The following RAD54B variants were observed in gnomAD, a reference collection of about 807,000 sequenced individuals.
The protein encoded by RAD54B is RAD54 homolog B, also known as DNA repair and recombination protein RAD54B.
A neutral mutation model predicts 95.8 loss-of-function variants in RAD54B; 78 were observed. The observed-to-expected ratio is 0.81, with a 90% confidence interval of 0.68 to 0.98. The LOEUF (loss-of-function observed/expected upper bound fraction) is 0.98, where lower values mean the gene tolerates loss of function less well. RAD54B is among the 50% of genes least tolerant of loss of function. The pLI is 0.00. For missense variants in RAD54B, 957 were observed against 1,056.6 expected, an observed-to-expected ratio of 0.91 and a Z score of 1.31; for synonymous variants, 328 against 354.9, an observed-to-expected ratio of 0.92 and a Z score of 0.85.
At chr8:94,430,674 G>A (rs1812069643) in intron 3 of RAD54B, 1 of 791,688 alleles carries the variant, frequency 1.3e-6, no homozygotes, top group Non-Finnish European at 1.5e-6. Context: ...CAATGGCTCA[G>A]TGAGGCCCAC....
chr8:94,462,792 A>T (rs189111606), intron 2 of RAD54B, among the ~76,000 whole-genome samples: 1 of 152,288 alleles, frequency 6.6e-6, no homozygotes, highest in East Asian at 1.9e-4. Context: ...TTAAAAAGTA[A>T]AATAACTATT....
chr8:94,375,310 C>A (rs1810541933), intron 14 of RAD54B, among the ~76,000 whole-genome samples: 1 of 152,174 alleles, frequency 6.6e-6, no homozygotes. Context: ...TTGCAGCTCC[C>A]ATATTTCCCA....
chr8:94,433,632 TTC>T (rs1267401918), intron 3 of RAD54B, among the ~76,000 whole-genome samples: 19 of 152,124 alleles, frequency 1.2e-4, no homozygotes, highest in Admixed American at 9.2e-4. Context: ...AACCTTAAAA[TTC>T]TGTTTTATAA....
intron 10 of RAD54B, among the ~76,000 whole-genome samples, chr8:94,389,385 A>C (rs1239649301): frequency 6.6e-6 from 1 of 152,210 alleles, no homozygotes; most frequent in African/African-American, 2.4e-5. Context: ...ATATGTGTTG[A>C]GGCCTGGACT....
chr8:94,378,879 A>C (rs1340320993), intron 12 of RAD54B, among the ~76,000 whole-genome samples: 1 of 152,220 alleles, frequency 6.6e-6, no homozygotes, highest in Non-Finnish European at 1.5e-5. Flanking sequence ...CAAGAGTGAG[A>C]GAATAGATCT....
In RAD54B at chr8:94,431,358, T is replaced by G. The variant is rs941521365; in HGVS notation, c.305-20043A>C. 6 of 984,578 alleles carry G rather than the reference T, an allele frequency of 6.1e-6. No individual in the cohort carries two copies. The African/African-American group carries it at 8.7e-5, about 14-fold the overall frequency. The allele number at this position is 984,578 out of a possible 1,614,324, so 61.0% of individuals were successfully genotyped here. A position where few individuals can be genotyped will look rare whatever the true frequency, so the allele number is the denominator to read the frequency against. On this transcript the variant is annotated intron_variant, in intron 3 of 14. Transcript: ENST00000336148. The stretch of plus-strand genomic sequence containing the variant: ...CTTATCTATTTTGCTGGAACAAAAA[T>G]AGAGAGAGAATGGGGGTAATTGATG...
intron 3 of RAD54B, chr8:94,436,899 G>A: frequency 1.3e-6 from 2 of 1,488,718 alleles, no homozygotes; most frequent in Non-Finnish European, 8.9e-7. Context: ...GGCAGTTTCT[G>A]AAACCACCAT....
At chr8:94,387,349 T>C (rs1810912949) in intron 10 of RAD54B, 190 bp from the exon 11 acceptor site, 2 of 505,068 alleles carry the variant, frequency 4.0e-6, no homozygotes, top group South Asian at 6.4e-5. Context: ...TTCTACTGAG[T>C]TAGTTACAGA....
intron 11 of RAD54B, among the ~76,000 whole-genome samples, chr8:94,382,618 G>GTTAA (rs1810772276): frequency 6.6e-6 from 1 of 152,176 alleles, no homozygotes. Context: ...AATATGATTT[G>GTTAA]GCTCTGTGTC....
chr8:94,398,767 T>G (rs941937667), intron 8 of RAD54B, among the ~76,000 whole-genome samples: 1 of 152,040 alleles, frequency 6.6e-6, no homozygotes, highest in Non-Finnish European at 1.5e-5. Context: ...GCTACTTAGA[T>G]CATACTCCAG....
chr8:94,378,504 C>G (rs543712858), intron 13 of RAD54B, 64 bp downstream of exon 13: 1 of 1,482,426 alleles, frequency 6.7e-7, no homozygotes, highest in Non-Finnish European at 9.2e-7. Flanking sequence ...GAAGCACAGG[C>G]TAACAAAAAA....
chr8:94,385,555 G>A (rs1810868779), intron 11 of RAD54B, among the ~76,000 whole-genome samples: 2 of 152,182 alleles, frequency 1.3e-5, no homozygotes, highest in Non-Finnish European at 2.9e-5. Flanking sequence ...GAGGAGGGGA[G>A]TCTAACTCAA....
chr8:94,413,827 CTTTTTTTTTTTTCT>C (rs1347068527), intron 3 of RAD54B, among the ~76,000 whole-genome samples: 6 of 139,164 alleles, frequency 4.3e-5, no homozygotes, highest in Non-Finnish European at 7.7e-5. Flanking sequence ...AATAATTATT[CTTTTTTTTTTTTCT>C]TTTTTTTTTT....
chr8:94,472,387 T>A (rs1285974490), intron 1 of RAD54B, among the ~76,000 whole-genome samples: 1 of 152,236 alleles, frequency 6.6e-6, no homozygotes. Context: ...ATGTTAGGCC[T>A]TGCACTTAGA....
chr8:94,387,959 G>T, intron 10 of RAD54B, among the ~76,000 whole-genome samples: 1 of 152,084 alleles, frequency 6.6e-6, no homozygotes, highest in East Asian at 1.9e-4. Context: ...TAAACCCCTT[G>T]TCTGGAATAC....
chr8:94,458,391 T>C lies in RAD54B; in HGVS notation c.181A>G (p.Arg61Gly). 2 of 1,602,862 alleles carry C rather than the reference T, an allele frequency of 1.2e-6. No homozygotes were observed. The highest frequency in any genetic ancestry group is 1.7e-6 in the Non-Finnish European group (2 of 1,175,734). The change falls in exon 3 of 15, where the codon AGA (arginine) becomes GGA (glycine). Residue 61 changes from arginine to glycine, a missense_variant. Physicochemically the swap from Arg to Gly is moderately radical, Grantham distance 125. Transcript: ENST00000336148. ...NTFLPSQNDL[R>G]ICSLNLPSEE... The stretch of plus-strand genomic sequence containing the variant: ...CTAGGCAGATTTAAACTGCATATTC[T>C]AAGATCATTTTGTGACGGGAGAAAG...
chr8:94,446,520 T>C (rs1297214635), intron 3 of RAD54B, among the ~76,000 whole-genome samples: 1 of 152,168 alleles, frequency 6.6e-6, no homozygotes, highest in African/African-American at 2.4e-5. Flanking sequence ...AACAAATGCA[T>C]CCACTTGGTG....
At chr8:94,439,843 CAGAT>C (rs1321230964) in intron 3 of RAD54B, among the ~76,000 whole-genome samples, 2 of 152,162 alleles carry the variant, frequency 1.3e-5, no homozygotes, top group Non-Finnish European at 2.9e-5. Context: ...AGGAAGCTCT[CAGAT>C]AGCAGACTTC....
chr8:94,427,943 T>C (rs1811985517), intron 3 of RAD54B: 1 of 871,088 alleles, frequency 1.1e-6, no homozygotes, highest in Non-Finnish European at 1.4e-6. Flanking sequence ...AAAAAAAAAA[T>C]GAAATAACAC....
Sources: allele counts gnomAD v4.1 joint callset (sites outside exome capture counted in the v4.1 genomes callset), GRCh38; gene constraint gnomAD v4.1.1; transcripts MANE v1.5; gene names NCBI Gene and HGNC (gene_info 2026-07-23, HGNC 2026-07-21).